LRMDA: variants seen among roughly 807,000 people sequenced by gnomAD.
LRMDA encodes the protein leucine rich melanocyte differentiation associated.
A neutral mutation model predicts 29.8 loss-of-function variants in LRMDA; 18 were observed. That is an observed-to-expected ratio of 0.60 (90% CI 0.42 to 0.90). The LOEUF is 0.90. Among genes scored for constraint, LRMDA ranks in the 40% least tolerant of loss-of-function variants. LRMDA has a pLI of 0.00. For synonymous variants in LRMDA, 125 were observed against 109.4 expected (o/e 1.14, Z -0.89); for missense variants, 273 against 273.9 (o/e 1.00, Z 0.02).
At chr10:76,190,225 A>G (rs1190843769) in intron 5 of LRMDA, among the ~76,000 whole-genome samples, 2 of 152,124 alleles carry the variant, frequency 1.3e-5, no homozygotes, top group African/African-American at 2.4e-5. Context: ...TAATTAAATT[A>G]GGATTTAAAA....
At chr10:76,380,223 A>G (rs529191378) in intron 6 of LRMDA, among the ~76,000 whole-genome samples, 2 of 152,168 alleles carry the variant, frequency 1.3e-5, no homozygotes, top group Non-Finnish European at 2.9e-5. Context: ...TGTTAGGTTG[A>G]TTTGATCTAG....
intron 2 of LRMDA, among the ~76,000 whole-genome samples, chr10:75,544,691 T>G (rs1840056464): frequency 6.7e-6 from 1 of 149,152 alleles, no homozygotes; most frequent in South Asian, 2.1e-4. Context: ...AACTTTCTTG[T>G]TTTTTTTTTC....
At chr10:76,062,469 C>T (rs897740620) in intron 5 of LRMDA, among the ~76,000 whole-genome samples, 7 of 152,208 alleles carry the variant, frequency 4.6e-5, no homozygotes, top group East Asian at 1.9e-4. Context: ...CAGGCGCTGG[C>T]GCTTGAGTGC....
intron 5 of LRMDA, among the ~76,000 whole-genome samples, chr10:76,221,978 A>G (rs539273342): frequency 1.3e-5 from 2 of 152,168 alleles, no homozygotes; most frequent in Admixed American, 6.5e-5. Flanking sequence ...ATCTACAACT[A>G]TCTGATCTTT....
At chr10:75,789,889 A>G (rs1843536441) in intron 2 of LRMDA, among the ~76,000 whole-genome samples, 1 of 152,136 alleles carries the variant, frequency 6.6e-6, no homozygotes, top group Non-Finnish European at 1.5e-5. Context: ...AAGAAAAGAG[A>G]AGCTGAGGCT....
At chr10:76,488,363 T>C (rs780515590) in intron 6 of LRMDA, among the ~76,000 whole-genome samples, 3 of 151,844 alleles carry the variant, frequency 2.0e-5, no homozygotes, top group Non-Finnish European at 4.4e-5. Flanking sequence ...GAGAAATCAC[T>C]AAATGACTTA....
At chr10:76,138,654 A>G (rs1318438599) in intron 5 of LRMDA, among the ~76,000 whole-genome samples, 1 of 152,198 alleles carries the variant, frequency 6.6e-6, no homozygotes, top group Non-Finnish European at 1.5e-5. Flanking sequence ...CATCAAATGT[A>G]TTGTTTTATA....
chr10:75,710,676 G>A (rs1350882991), intron 2 of LRMDA, among the ~76,000 whole-genome samples: 2 of 152,238 alleles, frequency 1.3e-5, no homozygotes, highest in Non-Finnish European at 2.9e-5. Flanking sequence ...GAAACAAAAG[G>A]AACGAAAAGT....
intron 2 of LRMDA, among the ~76,000 whole-genome samples, chr10:75,799,909 G>A (rs965279550): frequency 2.6e-5 from 4 of 151,900 alleles, no homozygotes; most frequent in African/African-American, 7.3e-5. Context: ...TTCTCACCCC[G>A]ATTACACATA....
At chr10:75,734,982 C>G (rs149030189) in intron 2 of LRMDA, among the ~76,000 whole-genome samples, 1 of 152,180 alleles carries the variant, frequency 6.6e-6, no homozygotes, top group Non-Finnish European at 1.5e-5. Flanking sequence ...TTGCCGCTAC[C>G]CCTTTTAGCA....
intron 2 of LRMDA, among the ~76,000 whole-genome samples, chr10:75,519,998 A>C (rs1040562866): frequency 2.6e-5 from 4 of 152,186 alleles, no homozygotes; most frequent in African/African-American, 9.7e-5. Flanking sequence ...AGAATGTTGA[A>C]TATTGGCCCC....
At chr10:75,767,447 C>T (rs1356219752) in intron 2 of LRMDA, among the ~76,000 whole-genome samples, 1 of 152,186 alleles carries the variant, frequency 6.6e-6, no homozygotes, top group East Asian at 1.9e-4. Context: ...TTTCTAATGC[C>T]TTGTTCCTGC....
chr10:75,634,726 A>G (rs961769572), intron 2 of LRMDA, among the ~76,000 whole-genome samples: 3 of 152,270 alleles, frequency 2.0e-5, no homozygotes, highest in African/African-American at 7.2e-5. Flanking sequence ...AATCCAATCA[A>G]ATCAACTCAA....
intron 6 of LRMDA, among the ~76,000 whole-genome samples, chr10:76,431,902 C>T (rs1388364577): frequency 6.6e-6 from 1 of 152,194 alleles, no homozygotes; most frequent in East Asian, 1.9e-4. Context: ...TACAAGCTCC[C>T]TTCTCTTGTC....
Position 75,909,016 on chromosome 10 carries a change from C to T in LRMDA, c.132-126992C>T, listed in dbSNP as rs75467951. The stretch of plus-strand genomic sequence containing the variant: ...TAGTATTACCTTAACTAGTAACTAA[C>T]TCCTTCATTCATTCTACAAATATTT... On this transcript the variant is annotated intron_variant, in intron 2 of 6. Transcript: ENST00000611255. 6.4e-3 allele frequency among the ~76,000 whole-genome samples: 970 copies of T among 152,244 alleles called. 11 individuals are homozygous for T. The highest frequency in any genetic ancestry group is 0.023 in the African/African-American group (945 of 41,534).
chr10:75,602,936 C>T (rs1467918101), intron 2 of LRMDA, among the ~76,000 whole-genome samples: 4 of 152,144 alleles, frequency 2.6e-5, no homozygotes, highest in Non-Finnish European at 5.9e-5. Context: ...AGCCCTGTCC[C>T]TCCTCATACT....
Position 76,516,468 on chromosome 10 carries a change from A to G in LRMDA, c.602-40741A>G, listed in dbSNP as rs538151635. ...ATTAACTCGTCATTTAGCATTAGGT[A>G]TATCTCCTAATGCTATCCCTCCCCA... On this transcript the variant is annotated intron_variant, in intron 6 of 6. Transcript: ENST00000611255. Among the ~76,000 whole-genome samples the G allele has an allele frequency of 2.7e-3, 418 of 152,160 alleles. 4 individuals are homozygous for G. The highest frequency in any genetic ancestry group is 9.8e-3 in the African/African-American group (408 of 41,498).
intron 2 of LRMDA, among the ~76,000 whole-genome samples, chr10:75,584,061 C>T (rs985847320): frequency 7.2e-5 from 11 of 152,152 alleles, no homozygotes; most frequent in African/African-American, 2.7e-4. Flanking sequence ...CCTGTGTGAT[C>T]TGTTTTTCGC....
intron 6 of LRMDA, among the ~76,000 whole-genome samples, chr10:76,506,319 G>C (rs1008439772): frequency 6.6e-6 from 1 of 151,930 alleles, no homozygotes; most frequent in African/African-American, 2.4e-5. Context: ...TTATAAGTTA[G>C]CCTTCATGTC....
Sources: allele counts gnomAD v4.1 joint callset (sites outside exome capture counted in the v4.1 genomes callset), GRCh38; gene constraint gnomAD v4.1.1; transcripts MANE v1.5; gene names NCBI Gene and HGNC (gene_info 2026-07-23, HGNC 2026-07-21).